The following ACACA variants were observed in gnomAD, a reference collection of about 807,000 sequenced individuals.
ACACA encodes acetyl-CoA carboxylase alpha.
A neutral mutation model predicts 296.1 loss-of-function variants in ACACA; 103 were observed. That is an observed-to-expected ratio of 0.35 (90% confidence interval 0.30 to 0.41). ACACA has a LOEUF of 0.41. Ranked by LOEUF, ACACA falls within the 10% of genes least tolerant of loss-of-function variation. The pLI is 1.00. For missense variants in ACACA, 1,554 were observed against 2,989.7 expected (o/e 0.52, Z 11.20); for synonymous variants, 953 against 1,038.6 (o/e 0.92, Z 1.58).
chr17:37,312,704 T>C (rs1312656122), intron 3 of ACACA, among the ~76,000 whole-genome samples: 6 of 152,100 alleles, frequency 3.9e-5, no homozygotes, highest in African/African-American at 1.4e-4. Flanking sequence ...AATGAACACC[T>C]ACATAAAGTC....
intron 3 of ACACA, among the ~76,000 whole-genome samples, chr17:37,307,297 C>T (rs1808223878): frequency 6.6e-6 from 1 of 152,170 alleles, no homozygotes; most frequent in Non-Finnish European, 1.5e-5. Context: ...AATGATACTG[C>T]TAAATAGTTT....
At chr17:37,268,733 C>CTATATATATATAGATATATATA (rs1402309165) in intron 10 of ACACA, among the ~76,000 whole-genome samples, 1 of 70,828 alleles carries the variant, frequency 1.4e-5, no homozygotes, top group Non-Finnish European at 2.6e-5. Context: ...ATCTATCTAT[C>CTATATATATATAGATATATATA]TATCTATCTA....
intron 10 of ACACA, among the ~76,000 whole-genome samples, chr17:37,267,687 T>G (rs576347327): frequency 6.6e-6 from 1 of 152,080 alleles, no homozygotes; most frequent in South Asian, 2.1e-4. Flanking sequence ...CAGTCTCCAG[T>G]GCCAGTTACT....
At chr17:37,127,600 G>A (rs1006697296) in intron 47 of ACACA, among the ~76,000 whole-genome samples, 2 of 152,056 alleles carry the variant, frequency 1.3e-5, no homozygotes, top group Non-Finnish European at 2.9e-5. Context: ...GGTGGCTCAC[G>A]CCTATAATCC....
At chr17:37,401,196 C>CT (rs1234610912) in intron 1 of ACACA, among the ~76,000 whole-genome samples, 9,722 of 134,304 alleles carry the variant, frequency 0.072, 579 homozygotes, top group East Asian at 0.3. Context: ...TTTTGTTTTT[C>CT]TTTTTTTTTT....
chr17:37,292,833 C>T (rs2083136765), intron 3 of ACACA, among the ~76,000 whole-genome samples: 1 of 152,174 alleles, frequency 6.6e-6, no homozygotes, highest in Non-Finnish European at 1.5e-5. Context: ...CACTGCACTC[C>T]AGCCTAGGCA....
At chr17:37,277,744 C>T (rs1190844398) in intron 6 of ACACA, 152 bp downstream of exon 6, 5 of 660,762 alleles carry the variant, frequency 7.6e-6, no homozygotes, top group Non-Finnish European at 1.1e-5. Context: ...TTCCATCTTT[C>T]TTTTCCTTAT....
At position 37,406,593 on chromosome 17, in the gene ACACA, G is replaced by C; in HGVS notation, c.-294C>G. The stretch of plus-strand genomic sequence containing the variant: ...CAGTCCCGGCTCGGCCCGCCTCACC[G>C]CACTCCGGAGGGGACCAAACAGCCC... On this transcript the variant is annotated 5_prime_UTR_variant, in exon 1 of 56. Coordinates refer to ENST00000616317, the MANE Select transcript of ACACA (RefSeq NM_198834.3). The C allele has an allele frequency of 1.8e-6, 1 of 565,852 alleles. No individual in the cohort carries two copies. 35.1% of individuals were successfully genotyped at this position (565,852 alleles called of 1,614,324 possible).
rs1055717406 is a variant in ACACA at position 37,406,625 on chromosome 17, C to A, written c.-326G>T. Reference sequence around the variant, plus strand: ...GGAGGGGACCAAACAGCCCCACGCGCCAGGAAGCCTCAGGCAACGGGCCAC... The same window carrying A: ...GGAGGGGACCAAACAGCCCCACGCGACAGGAAGCCTCAGGCAACGGGCCAC... On this transcript the variant is annotated 5_prime_UTR_variant, in exon 1 of 56. Coordinates refer to ENST00000616317, the MANE Select transcript of ACACA (RefSeq NM_198834.3). The A allele has an allele frequency of 1.9e-6, 1 of 523,072 alleles. No homozygotes were observed. Among genetic ancestry groups the A allele is most frequent in the African/African-American group, 1.9e-5 (1 of 52,258 alleles). The allele number at this position is 523,072 out of a possible 1,614,324, so 32.4% of individuals were successfully genotyped here. A position where few individuals can be genotyped will look rare whatever the true frequency, so the allele number is the denominator to read the frequency against.
chr17:37,111,668 A>G (rs760462101), intron 51 of ACACA, 25 bp from the exon 52 acceptor site: 7 of 1,570,772 alleles, frequency 4.5e-6, no homozygotes, highest in Non-Finnish European at 3.5e-6. Context: ...AAGAAAAAAC[A>G]AAACAGAAAT....
intron 1 of ACACA, among the ~76,000 whole-genome samples, chr17:37,390,228 T>C (rs147292571): frequency 0.23 from 10,302 of 45,102 alleles, 1,342 homozygotes; most frequent in East Asian, 0.32. Flanking sequence ...TTATATATAA[T>C]TATATATAAT....
At chr17:37,299,987 G>A (rs1055142149) in intron 3 of ACACA, among the ~76,000 whole-genome samples, 3 of 152,126 alleles carry the variant, frequency 2.0e-5, no homozygotes, top group Admixed American at 6.5e-5. Context: ...AAGGAAACAC[G>A]CCACTACTAG....
At chr17:37,162,166 T>C (rs2076486137) in intron 41 of ACACA, 116 bp from the exon 42 acceptor site, 1 of 1,145,378 alleles carries the variant, frequency 8.7e-7, no homozygotes, top group East Asian at 2.5e-5. Flanking sequence ...AGATACACAT[T>C]GCTAAAGAGC....
Position 37,276,153 on chromosome 17 carries a change from T to TC in ACACA, c.803-105dup, listed in dbSNP as rs1219430567. ...AGCTATTTATGTATTTGTCTTGTCCTCCCCCCACCCCTCACATATCAAGGA... is the reference window on the plus strand; with the variant it reads ...AGCTATTTATGTATTTGTCTTGTCCTCCCCCCCACCCCTCACATATCAAGGA... On this transcript the variant is annotated intron_variant, in intron 7 of 55. Coordinates refer to ENST00000616317, the MANE Select transcript of ACACA (RefSeq NM_198834.3). 22 of 825,092 alleles carry TC rather than the reference T, an allele frequency of 2.7e-5. No homozygotes were observed. The East Asian group carries it at 4.9e-4, about 18-fold the overall frequency. The allele number at this position is 825,092 out of a possible 1,614,324, so 51.1% of individuals were successfully genotyped here. A position where few individuals can be genotyped will look rare whatever the true frequency, so the allele number is the denominator to read the frequency against.
At chr17:37,122,293 C>A (rs368872361) in intron 49 of ACACA, among the ~76,000 whole-genome samples, 5 of 152,158 alleles carry the variant, frequency 3.3e-5, no homozygotes, top group Non-Finnish European at 5.9e-5. Flanking sequence ...CAAAAGTATA[C>A]GTTTTCTAGC....
chr17:37,248,716 C>T, intron 16 of ACACA, 42 bp from the exon 17 acceptor site: 1 of 1,382,500 alleles, frequency 7.2e-7, no homozygotes. Context: ...AAAGTTCTAA[C>T]AGTTATAAGA....
rs1725410661 is a variant in ACACA, at chr17:37,181,339, A to G, written c.4794T>C (p.Tyr1598=). The G allele has an allele frequency of 1.2e-6, 2 of 1,613,976 alleles. No individual in the cohort carries two copies. The highest frequency in any genetic ancestry group is 1.7e-5 in the Admixed American group (1 of 59,984). Residue 1598 remains tyrosine, a synonymous_variant, in exon 40 of 56, where the codon TAT becomes TAC. Coordinates refer to ENST00000616317, the MANE Select transcript of ACACA (RefSeq NM_198834.3). ...SRTAQIMFQA[Y]GDKQGPLHGM... is the part of the protein sequence containing the mutation. ...CATGCAGTGGTCCCTGTTTGTCTCC[A>G]TATGCCTGAAACATGATCTGCAGGA...
chr17:37,327,097 A>C (rs916180217), intron 3 of ACACA, among the ~76,000 whole-genome samples: 6 of 152,182 alleles, frequency 3.9e-5, no homozygotes, highest in Non-Finnish European at 7.4e-5. Context: ...TATGTCACCC[A>C]TGAAGGATTA....
At chr17:37,351,864 T>C (rs1183749797) in intron 1 of ACACA, among the ~76,000 whole-genome samples, 39 of 151,778 alleles carry the variant, frequency 2.6e-4, no homozygotes, top group Admixed American at 2.6e-3. Context: ...CTTCTAATTG[T>C]TTTAGATCCA....
Sources: allele counts gnomAD v4.1 joint callset (sites outside exome capture counted in the v4.1 genomes callset), GRCh38; gene constraint gnomAD v4.1.1; transcripts MANE v1.5; gene names NCBI Gene and HGNC (gene_info 2026-07-23, HGNC 2026-07-21).